PREP: variants seen among roughly 807,000 people sequenced by gnomAD.
PREP encodes the protein prolyl endopeptidase.
A neutral mutation model predicts 87.6 loss-of-function variants in PREP; 29 were observed. The observed-to-expected ratio is 0.33, with a 90% confidence interval of 0.25 to 0.45. The LOEUF (loss-of-function observed/expected upper bound fraction) is 0.45, where lower values mean the gene tolerates loss of function less well. Among genes scored for constraint, PREP ranks in the 20% least tolerant of loss-of-function variants. The pLI, the probability that PREP is intolerant of heterozygous loss-of-function variation, is 1.00. For synonymous variants in PREP, 337 were observed against 328.6 expected (o/e 1.03, Z -0.28); for missense variants, 695 against 886.5 (o/e 0.78, Z 2.74).
In PREP at chr6:105,333,384, G is replaced by A; in HGVS notation, c.945C>T (p.Asn315=). Residue 315 remains asparagine, a synonymous_variant, in exon 8 of 15, where the codon AAC becomes AAT. Coordinates refer to ENST00000652536, the MANE Select transcript of PREP (RefSeq NM_002726.5). The stretch of plus-strand genomic sequence containing the variant: ...ACTCTTCAGGATCCCTGAAGTCAAT[G>A]TTGATCACGCGATAGTTGGGAGACT... ...NRQSPNYRVI[N]IDFRDPEESK... 1.2e-6 allele frequency: 2 copies of A among 1,614,158 alleles called. No homozygotes were observed. Among genetic ancestry groups the A allele is most frequent in the Non-Finnish European group, 1.7e-6 (2 of 1,180,012 alleles).
chr6:105,323,458 G>A (rs969093768), intron 10 of PREP, among the ~76,000 whole-genome samples: 6 of 152,164 alleles, frequency 3.9e-5, no homozygotes, highest in African/African-American at 1.2e-4. Flanking sequence ...CATAGGAGCA[G>A]AACCTGCAGG....
intron 5 of PREP, among the ~76,000 whole-genome samples, chr6:105,372,115 G>A (rs1772574044): frequency 6.6e-6 from 1 of 151,892 alleles, no homozygotes; most frequent in South Asian, 2.1e-4. Flanking sequence ...TTATAAAAAA[G>A]GTCTTGATGT....
Position 105,323,682 on chromosome 6 carries a change from C to T in PREP, c.1300G>A (p.Asp434Asn), listed in dbSNP as rs1389888575. ...EVTVKGIDAS[D>N]YQTVQIFYPS... ...CTCCATACCTGGACTGTCTGGTAAT[C>T]AGAAGCATCAATTCCTTTTACGGTC... The change falls in exon 10 of 15, where the codon GAT becomes AAT. Residue 434 changes from aspartate to asparagine, a missense_variant. By Grantham distance (23) the Asp-to-Asn change is conservative. Transcript: ENST00000652536. 1.2e-6 allele frequency: 2 copies of T among 1,611,326 alleles called. No individual in the cohort carries two copies. The highest frequency in any genetic ancestry group is 1.3e-5 in the African/African-American group (1 of 74,962).
chr6:105,338,881 G>A (rs1465528187), intron 7 of PREP, among the ~76,000 whole-genome samples: 3 of 152,234 alleles, frequency 2.0e-5, no homozygotes, highest in Admixed American at 2.0e-4. Context: ...CGTAAACAAA[G>A]CGGCTGGGTA....
At chr6:105,289,632 TAAGG>T (rs1193705795) in intron 10 of PREP, among the ~76,000 whole-genome samples, 1 of 151,972 alleles carries the variant, frequency 6.6e-6, no homozygotes, top group Non-Finnish European at 1.5e-5. Context: ...AAAAAAGCCA[TAAGG>T]AAGGGAACAT....
chr6:105,360,065 T>C (rs952423118), intron 6 of PREP, among the ~76,000 whole-genome samples: 2 of 151,936 alleles, frequency 1.3e-5, no homozygotes, highest in African/African-American at 2.4e-5. Flanking sequence ...CGGCCACTGT[T>C]CTTCCACTCA....
chr6:105,361,513 A>C (rs1772245849), intron 6 of PREP, among the ~76,000 whole-genome samples: 1 of 152,168 alleles, frequency 6.6e-6, no homozygotes, highest in African/African-American at 2.4e-5. Flanking sequence ...ATGCACTTTC[A>C]AACTGAGGAA....
At chr6:105,340,569 A>T (rs1205910491) in intron 7 of PREP, among the ~76,000 whole-genome samples, 1 of 152,224 alleles carries the variant, frequency 6.6e-6, no homozygotes, top group Non-Finnish European at 1.5e-5. Flanking sequence ...AATGGGCTAA[A>T]TGCTCCAATT....
chr6:105,387,945 T>C (rs982102244), intron 2 of PREP, among the ~76,000 whole-genome samples: 1 of 152,070 alleles, frequency 6.6e-6, no homozygotes, highest in South Asian at 2.1e-4. Context: ...TTTAACCCAA[T>C]ACTCAGCACA....
intron 10 of PREP, among the ~76,000 whole-genome samples, chr6:105,312,670 C>T (rs1770781819): frequency 1.3e-5 from 2 of 152,174 alleles, no homozygotes; most frequent in Admixed American, 6.5e-5. Context: ...AGCTGAATGT[C>T]CTCTTTCCCC....
intron 7 of PREP, among the ~76,000 whole-genome samples, chr6:105,352,741 T>C (rs1771993200): frequency 6.6e-6 from 1 of 152,166 alleles, no homozygotes; most frequent in South Asian, 2.1e-4. Context: ...ATTTTCACAC[T>C]ATGTGCAGAA....
rs963122622 is a variant in PREP at position 105,277,780 on chromosome 6, C to T, written c.*364G>A. 1 of 198,382 alleles carries T rather than the reference C, an allele frequency of 5.0e-6. No homozygotes were observed. The highest frequency in any genetic ancestry group is 1.2e-4 in the East Asian group (1 of 8,086). The allele number at this position is 198,382 out of a possible 1,614,324, so 12.3% of individuals were successfully genotyped here. ...GTCTTCTCCATGAGAACAGTTCTCA[C>T]ATTTATTTAAAGATATAGAGGTTAT... On this transcript the variant is annotated 3_prime_UTR_variant, in exon 15 of 15. Coordinates refer to ENST00000652536, the MANE Select transcript of PREP (RefSeq NM_002726.5).
chr6:105,388,052 G>A (rs1773048633), intron 2 of PREP, among the ~76,000 whole-genome samples: 2 of 152,134 alleles, frequency 1.3e-5, no homozygotes, highest in African/African-American at 4.8e-5. Flanking sequence ...GAAACCTGCA[G>A]GCATGTGGCA....
chr6:105,363,810 G>A (rs558170312), intron 6 of PREP, among the ~76,000 whole-genome samples: 53 of 152,262 alleles, frequency 3.5e-4, no homozygotes, highest in Middle Eastern at 3.4e-3. Flanking sequence ...TCTGAATCTC[G>A]AGGGAATGCT....
At chr6:105,295,435 A>G (rs1404159312) in intron 10 of PREP, among the ~76,000 whole-genome samples, 1 of 151,956 alleles carries the variant, frequency 6.6e-6, no homozygotes, top group Admixed American at 6.6e-5. Context: ...CTCCTATCCT[A>G]GCCAACAAAA....
At chr6:105,359,772 G>A (rs1772196947) in intron 6 of PREP, among the ~76,000 whole-genome samples, 1 of 152,102 alleles carries the variant, frequency 6.6e-6, no homozygotes, top group Non-Finnish European at 1.5e-5. Flanking sequence ...GTTTATAAAG[G>A]CCTGGACCCC....
At chr6:105,286,808 G>A (rs1300547513) in intron 11 of PREP, among the ~76,000 whole-genome samples, 5 of 7,912 alleles carry the variant, frequency 6.3e-4, no homozygotes, top group African/African-American at 2.6e-3. Flanking sequence ...ATCTCTGATG[G>A]TCTCTCCTGA....
Position 105,323,650 on chromosome 6 carries a change from T to C in PREP, c.1317+15A>G, listed in dbSNP as rs1196109098. The C allele has an allele frequency of 6.3e-7, 1 of 1,584,862 alleles. No individual in the cohort carries two copies. ...CTTCCTAACTCTCACATTAATGAGATCATATTCTCCATACCTGGACTGTCT... is the reference window on the plus strand; with the variant it reads ...CTTCCTAACTCTCACATTAATGAGACCATATTCTCCATACCTGGACTGTCT... On this transcript the variant is annotated intron_variant, in intron 10 of 14. Coordinates refer to ENST00000652536, the MANE Select transcript of PREP (RefSeq NM_002726.5).
chr6:105,374,158 C>T (rs759902623), intron 4 of PREP, among the ~76,000 whole-genome samples: 2 of 152,104 alleles, frequency 1.3e-5, no homozygotes, highest in African/African-American at 2.4e-5. Context: ...GCAGTGAAGG[C>T]GCCCGGAGTG....
Sources: allele counts gnomAD v4.1 joint callset (sites outside exome capture counted in the v4.1 genomes callset), GRCh38; gene constraint gnomAD v4.1.1; transcripts MANE v1.5; gene names NCBI Gene and HGNC (gene_info 2026-07-23, HGNC 2026-07-21).